NMRK1: variants seen among roughly 807,000 people sequenced by gnomAD.
NMRK1 encodes NRK 1.
NMRK1 carries 28 observed loss-of-function variants against 29.9 expected under a neutral mutation model. The observed-to-expected ratio is 0.94, with a 90% CI of 0.69 to 1.28. NMRK1 has a LOEUF of 1.28. Among genes scored for constraint, NMRK1 ranks in the 50% most tolerant of loss-of-function variants. The pLI is 0.00. For missense variants in NMRK1, 218 were observed against 233.1 expected (o/e 0.94, Z 0.42); for synonymous variants, 58 against 73.0 (o/e 0.79, Z 1.05).
At chr9:75,065,213 A>G (rs1008001233) in intron 8 of NMRK1, among the ~76,000 whole-genome samples, 2 of 151,954 alleles carry the variant, frequency 1.3e-5, no homozygotes, top group Non-Finnish European at 2.9e-5. Flanking sequence ...CTGTCACCAG[A>G]CTGGAGTGCA....
In NMRK1 at chr9:75,069,116, T is replaced by C. The variant is rs1374406891; in HGVS notation, c.390-14A>G. 2 of 1,552,810 alleles carry C rather than the reference T, an allele frequency of 1.3e-6. No homozygotes were observed. Among genetic ancestry groups the C allele is most frequent in the Non-Finnish European group, 1.8e-6 (2 of 1,126,604 alleles). On this transcript the variant is annotated splice_polypyrimidine_tract_variant and intron_variant, in intron 6 of 8. Coordinates refer to ENST00000361092, the MANE Select transcript of NMRK1 (RefSeq NM_017881.3). Reference sequence around the variant, plus strand: ...TAGACCCTTGTACTATCAAAACACGTAGGAAACTTTATGTTGACAGAAACA... The same window carrying C: ...TAGACCCTTGTACTATCAAAACACGCAGGAAACTTTATGTTGACAGAAACA...
intron 2 of NMRK1, among the ~76,000 whole-genome samples, chr9:75,081,849 G>A (rs1179913164): frequency 3.3e-5 from 5 of 152,200 alleles, no homozygotes; most frequent in Non-Finnish European, 7.3e-5. Context: ...TCTGCCCAGT[G>A]ACAGGCTATG....
intron 4 of NMRK1, among the ~76,000 whole-genome samples, 182 bp downstream of exon 4, chr9:75,076,977 T>C (rs1824026402): frequency 1.3e-5 from 2 of 152,224 alleles, no homozygotes; most frequent in Admixed American, 6.5e-5. Flanking sequence ...AACCTACAAA[T>C]GCAGGCTTAA....
In NMRK1 at chr9:75,070,006, G is replaced by A. The variant is rs1160391710; in HGVS notation, c.206C>T (p.Ala69Val). 1 of 1,613,552 alleles carries A rather than the reference G, an allele frequency of 6.2e-7. No individual in the cohort carries two copies. The stretch of plus-strand genomic sequence containing the variant: ...TGCGCTTTCCATCCAGCAGGAAATG[G>A]CTGACATCATTTTTTCCATGTTAAG... The part of the protein sequence containing the change: ...EALNMEKMMS[A>V]ISCWMESARH... Residue 69 changes from alanine (A) to valine (V), a missense_variant, in exon 5 of 9, where the codon GCC becomes GTC. Ala to Val is a moderately conservative substitution (Grantham distance 64). Coordinates refer to ENST00000361092, the MANE Select transcript of NMRK1 (RefSeq NM_017881.3).
At chr9:75,062,775 T>C (rs920845056) in intron 8 of NMRK1, among the ~76,000 whole-genome samples, 5 of 152,242 alleles carry the variant, frequency 3.3e-5, no homozygotes, top group Non-Finnish European at 5.9e-5. Context: ...CTGATGCCTG[T>C]AATCCCAGCA....
chr9:75,082,871 G>C (rs1824396912), intron 2 of NMRK1: 1 of 541,112 alleles, frequency 1.8e-6, no homozygotes, highest in African/African-American at 1.9e-5. Flanking sequence ...GGGTAAATGT[G>C]GTTGACTGAC....
At chr9:75,080,241 C>T (rs1158519269) in intron 2 of NMRK1, among the ~76,000 whole-genome samples, 1 of 152,158 alleles carries the variant, frequency 6.6e-6, no homozygotes, top group Non-Finnish European at 1.5e-5. Context: ...AAGTCTAATG[C>T]CAGGATGGAT....
At chr9:75,063,071 G>A (rs927467497) in intron 8 of NMRK1, among the ~76,000 whole-genome samples, 1 of 151,482 alleles carries the variant, frequency 6.6e-6, no homozygotes, top group African/African-American at 2.4e-5. Flanking sequence ...AGCATTTTGG[G>A]AGGCCGAGGC....
chr9:75,064,521 T>C (rs1322437925), intron 8 of NMRK1, among the ~76,000 whole-genome samples: 1 of 152,208 alleles, frequency 6.6e-6, no homozygotes, highest in Non-Finnish European at 1.5e-5. Context: ...AAGTAACAGA[T>C]GGCAGGAGTG....
intron 6 of NMRK1, 72 bp downstream of exon 6, chr9:75,069,670 G>T: frequency 8.3e-7 from 1 of 1,197,828 alleles, no homozygotes; most frequent in Non-Finnish European, 1.2e-6. Context: ...GCTCAATAAT[G>T]TTGCTGTCCT....
intron 6 of NMRK1, 129 bp downstream of exon 6, chr9:75,069,591 GAAAAGAGTTTTGCTCCTTTTGT>G: frequency 6.1e-6 from 4 of 657,794 alleles, no homozygotes; most frequent in Non-Finnish European, 1.0e-5. Flanking sequence ...ACCATTTATG[GAAAAGAGTTTTGCTCCTTTTGT>G]AAAAGAGTTA....
chr9:75,073,341 T>C (rs1823806897), intron 4 of NMRK1, among the ~76,000 whole-genome samples: 1 of 152,226 alleles, frequency 6.6e-6, no homozygotes, highest in African/African-American at 2.4e-5. Context: ...CTCAGACTTC[T>C]GGCCTCTTGA....
Position 75,063,214 on chromosome 9 carries a change from G to A in NMRK1, c.581-1647C>T, listed in dbSNP as rs1245906382. Reference sequence around the variant, plus strand: ...TCAGTTACTCGGGAGGCTGAGGCAGGAGAATGGTGTGAACCCAGGAGGCGG... The same window carrying A: ...TCAGTTACTCGGGAGGCTGAGGCAGAAGAATGGTGTGAACCCAGGAGGCGG... On this transcript the variant is annotated intron_variant, in intron 8 of 8. Coordinates refer to ENST00000361092, the MANE Select transcript of NMRK1 (RefSeq NM_017881.3). Among the ~76,000 whole-genome samples, 5 of 150,944 alleles carry A rather than the reference G, an allele frequency of 3.3e-5. No individual in the cohort carries two copies. The East Asian group carries it at 5.8e-4, about 18-fold the overall frequency.
chr9:75,065,825 T>G (rs1211604661), intron 8 of NMRK1, among the ~76,000 whole-genome samples: 3 of 152,166 alleles, frequency 2.0e-5, no homozygotes, highest in Non-Finnish European at 4.4e-5. Flanking sequence ...AATTTCAAAT[T>G]TATGCAAAAG....
At chr9:75,087,738 C>T (rs755301270) in intron 1 of NMRK1, 1 of 152,356 alleles carries the variant, frequency 6.6e-6, no homozygotes, top group East Asian at 1.9e-4. Flanking sequence ...AGTCCTGATC[C>T]TGTCCCTGGC....
intron 7 of NMRK1, 131 bp downstream of exon 7, chr9:75,068,865 A>G (rs1823524901): frequency 1.7e-6 from 1 of 597,710 alleles, no homozygotes; most frequent in African/African-American, 1.9e-5. Context: ...AGAACCAGCT[A>G]TGGAAAAGGA....
chr9:75,074,348 A>G (rs2118134130), intron 4 of NMRK1, among the ~76,000 whole-genome samples: 1 of 150,080 alleles, frequency 6.7e-6, no homozygotes, highest in African/African-American at 2.4e-5. Context: ...GCTTAAATCT[A>G]TCATCTTACT....
intron 4 of NMRK1, among the ~76,000 whole-genome samples, chr9:75,070,286 G>C (rs7868447): frequency 0.72 from 109,016 of 152,100 alleles, 39,723 homozygotes; most frequent in East Asian, 0.87. Context: ...TGAACTCCTA[G>C]GTCCCTATTA....
chr9:75,063,255 G>A (rs113557839), intron 8 of NMRK1, among the ~76,000 whole-genome samples: 19,779 of 140,340 alleles, frequency 0.14, 1,695 homozygotes, highest in Non-Finnish European at 0.19. Flanking sequence ...GCAGTGAGCC[G>A]AAATTGTGCC....
Sources: gnomAD v4.1 joint callset for allele counts (sites outside exome capture counted in the v4.1 genomes callset) on GRCh38, gnomAD v4.1.1 for gene constraint, MANE v1.5 for transcripts, NCBI Gene and HGNC (gene_info 2026-07-23, HGNC 2026-07-21) for gene names.